NANOS1: variants seen among roughly 807,000 people sequenced by gnomAD.
The protein encoded by NANOS1 is nanos homolog 1.
A neutral mutation model predicts 1.1 loss-of-function variants in NANOS1; 1 was observed. The ratio of observed to expected loss-of-function variants is 0.88; its 90% CI spans 0.31 to 4.20. The LOEUF (loss-of-function observed/expected upper bound fraction) is 4.20, where lower values mean the gene tolerates loss of function less well. NANOS1 is among the 30% of genes most tolerant of loss of function. The probability of loss-of-function intolerance (pLI) is 0.17; values close to 1 mark genes in which losing one functional copy is unlikely to be tolerated. For synonymous variants in NANOS1, 252 were observed against 230.6 expected (o/e 1.09, Z -0.84); for missense variants, 537 against 457.9 (o/e 1.17, Z -1.58).
Position 119,031,899 on chromosome 10 carries a change from C to G in NANOS1, c.*1219C>G, listed in dbSNP as rs1183004680. 6.0e-6 allele frequency: 1 copy of G among 167,072 alleles called. No homozygotes were observed. Among genetic ancestry groups the G allele is most frequent in the Non-Finnish European group, 1.5e-5 (1 of 68,122 alleles). The allele number at this position is 167,072 out of a possible 1,614,324, so 10.3% of individuals were successfully genotyped here. ...AGACCCATGTCGGTTTCCGGAACCC[C>G]ACCAGTTTACCCATAAGCAAGACTA... On this transcript the variant is annotated 3_prime_UTR_variant, in exon 1 of 1. Coordinates refer to ENST00000425699, the MANE Select transcript of NANOS1 (RefSeq NM_199461.4).
Position 119,029,796 on chromosome 10 carries a change from C to G in NANOS1, c.-6C>G. The G allele has an allele frequency of 9.5e-7, 1 of 1,053,250 alleles. No individual in the cohort carries two copies. Among genetic ancestry groups the G allele is most frequent in the Non-Finnish European group, 1.1e-6 (1 of 875,272 alleles). The allele number at this position is 1,053,250 out of a possible 1,614,324, so 65.2% of individuals were successfully genotyped here. ...GGGGAGGCGGCGCGCGGCCCGCAGCCCGCCCATGGAGGCTTTCCCCTGGGC... is the reference window on the plus strand; with the variant it reads ...GGGGAGGCGGCGCGCGGCCCGCAGCGCGCCCATGGAGGCTTTCCCCTGGGC... On this transcript the variant is annotated 5_prime_UTR_variant, in exon 1 of 1. Coordinates refer to ENST00000425699, the MANE Select transcript of NANOS1 (RefSeq NM_199461.4).
rs947682154 is a variant in NANOS1, at chr10:119,031,521, A to G, written c.*841A>G. 2.4e-5 allele frequency: 4 copies of G among 167,166 alleles called. No homozygotes were observed. The South Asian group carries it at 6.2e-4, about 26-fold the overall frequency. 10.4% of individuals were successfully genotyped at this position (167,166 alleles called of 1,614,324 possible). A position where few individuals can be genotyped will look rare whatever the true frequency, so the allele number is the denominator to read the frequency against. On this transcript the variant is annotated 3_prime_UTR_variant, in exon 1 of 1. Transcript: ENST00000425699. ...ATACAGTAACAGTATGAATTCATTA[A>G]TCTCACCTGTAACTTTCCTACTTGG...
rs1443480723 is a variant in NANOS1 at position 119,031,079 on chromosome 10, T to C, written c.*399T>C. On this transcript the variant is annotated 3_prime_UTR_variant, in exon 1 of 1. Transcript: ENST00000425699. ...GAGGCACTTTACTAGGTCTAGAATA[T>C]TTTTTTAAAAGCCTCTGAACTGAGC... 1 of 188,642 alleles carries C rather than the reference T, an allele frequency of 5.3e-6. No homozygotes were observed. Among genetic ancestry groups the C allele is most frequent in the African/African-American group, 2.4e-5 (1 of 42,334 alleles). 11.7% of individuals were successfully genotyped at this position (188,642 alleles called of 1,614,324 possible). A position where few individuals can be genotyped will look rare whatever the true frequency, so the allele number is the denominator to read the frequency against.
Position 119,029,795 on chromosome 10 carries a change from C to A in NANOS1, c.-7C>A. 2 of 1,046,580 alleles carry A rather than the reference C, an allele frequency of 1.9e-6. No homozygotes were observed. Among genetic ancestry groups the A allele is most frequent in the Non-Finnish European group, 2.3e-6 (2 of 870,896 alleles). 64.8% of individuals were successfully genotyped at this position (1,046,580 alleles called of 1,614,324 possible). A position where few individuals can be genotyped will look rare whatever the true frequency, so the allele number is the denominator to read the frequency against. On this transcript the variant is annotated 5_prime_UTR_variant, in exon 1 of 1. Coordinates refer to ENST00000425699, the MANE Select transcript of NANOS1 (RefSeq NM_199461.4). ...CGGGGAGGCGGCGCGCGGCCCGCAG[C>A]CCGCCCATGGAGGCTTTCCCCTGGG...
In NANOS1 at chr10:119,029,864, G is replaced by C. The variant is rs1326568569; in HGVS notation, c.63G>C (p.Ala21=). Residue 21 remains alanine (A), a synonymous_variant, in exon 1 of 1, where the codon GCG becomes GCC. Coordinates refer to ENST00000425699, the MANE Select transcript of NANOS1 (RefSeq NM_199461.4). ...GCGGCCGCGCCCCCCCGCCCATGGC[G>C]CTCGTGCCCAGCGCCCGCTACGTGA... is the stretch of plus-strand genomic sequence containing the variant. The part of the protein sequence containing the change: ...PRRGRAPPPM[A]LVPSARYVSA... 8.0e-7 allele frequency: 1 copy of C among 1,252,486 alleles called. No homozygotes were observed. Among genetic ancestry groups the C allele is most frequent in the African/African-American group, 1.6e-5 (1 of 63,514 alleles). 77.6% of individuals were successfully genotyped at this position (1,252,486 alleles called of 1,614,324 possible).
chr10:119,030,417 C>T lies in NANOS1; in HGVS notation c.616C>T (p.Leu206=). The change falls in exon 1 of 1, where the codon CTG becomes TTG. Residue 206 remains leucine (L), a synonymous_variant. Coordinates refer to ENST00000425699, the MANE Select transcript of NANOS1 (RefSeq NM_199461.4). This position sits in a 1 kb window ranked among gnomAD's most constrained non-coding sequence, Gnocchi z 5.3. The part of the protein sequence containing the change: ...HAASGAAAAR[L]LKPELQVCVF... ...GGCCTCCGGGGCGGCGGCCGCCCGG[C>T]TGCTGAAGCCCGAGCTGCAGGTGTG... 7.2e-7 allele frequency: 1 copy of T among 1,391,048 alleles called. No homozygotes were observed. The highest frequency in any genetic ancestry group is 9.4e-7 in the Non-Finnish European group (1 of 1,066,776). 86.2% of individuals were successfully genotyped at this position (1,391,048 alleles called of 1,614,324 possible).
At position 119,030,598 on chromosome 10, in the gene NANOS1, C is replaced by T. The variant is rs777110142; in HGVS notation, c.797C>T (p.Pro266Leu). 2.0e-6 allele frequency: 3 copies of T among 1,503,842 alleles called. No individual in the cohort carries two copies. The highest frequency in any genetic ancestry group is 2.7e-5 in the East Asian group (1 of 36,702). 93.2% of individuals were successfully genotyped at this position (1,503,842 alleles called of 1,614,324 possible). Residue 266 changes from proline (P) to leucine (L), a missense_variant, in exon 1 of 1, where the codon CCG (proline) becomes CTG (leucine). Transcript: ENST00000425699. The surrounding 1 kb of genome is among the most constrained non-coding windows in gnomAD (Gnocchi z 5.3). ...AACGCGCACACCATCAAGTACTGCC[C>T]GCTCTCCAAAGTGCCGCCGCCGCCC... is the stretch of plus-strand genomic sequence containing the variant. ...GDNAHTIKYC[P>L]LSKVPPPPAR...
At position 119,030,677 on chromosome 10, in the gene NANOS1, C is replaced by G; in HGVS notation, c.876C>G (p.Arg292=). ...ARDGPPGKKL[R] is the part of the protein sequence containing the mutation. Reference sequence around the variant, plus strand: ...ACGGCCCGCCTGGCAAGAAGCTGCGCTGAAGGCCCGGGCTCCCGGCCGCCC... The same window carrying G: ...ACGGCCCGCCTGGCAAGAAGCTGCGGTGAAGGCCCGGGCTCCCGGCCGCCC... The change falls in exon 1 of 1, where the codon CGC becomes CGG. Residue 292 remains arginine, a synonymous_variant. Transcript: ENST00000425699. The surrounding 1 kb of genome is among the most constrained non-coding windows in gnomAD (Gnocchi z 5.3). 1 of 1,315,736 alleles carries G rather than the reference C, an allele frequency of 7.6e-7. No individual in the cohort carries two copies. Among genetic ancestry groups the G allele is most frequent in the Non-Finnish European group, 9.7e-7 (1 of 1,035,054 alleles). 81.5% of individuals were successfully genotyped at this position (1,315,736 alleles called of 1,614,324 possible).
rs1288789325 is a variant in NANOS1, at chr10:119,031,174, C to A, written c.*494C>A. 1 of 167,718 alleles carries A rather than the reference C, an allele frequency of 6.0e-6. No homozygotes were observed. The highest frequency in any genetic ancestry group is 2.4e-5 in the African/African-American group (1 of 41,500). 10.4% of individuals were successfully genotyped at this position (167,718 alleles called of 1,614,324 possible). ...ATTGTTTGAAGCGAGTTAATATTCT[C>A]AGTTGTCTTTAAAAATCAGTTACTC... On this transcript the variant is annotated 3_prime_UTR_variant, in exon 1 of 1. Coordinates refer to ENST00000425699, the MANE Select transcript of NANOS1 (RefSeq NM_199461.4).
At position 119,033,666 on chromosome 10, in the gene NANOS1, C is replaced by A. The variant is rs1174713974; in HGVS notation, c.*2986C>A. On this transcript the variant is annotated 3_prime_UTR_variant, in exon 1 of 1. Transcript: ENST00000425699. ...GCAGAATTATTAGCTTTGATGAGAA[C>A]AACTTTTGTCATAGATTTGATTTAT... The A allele has an allele frequency of 6.0e-6, 1 of 166,404 alleles. No individual in the cohort carries two copies. The highest frequency in any genetic ancestry group is 1.5e-5 in the Non-Finnish European group (1 of 68,096). The allele number at this position is 166,404 out of a possible 1,614,324, so 10.3% of individuals were successfully genotyped here.
Position 119,030,052 on chromosome 10 carries a change from G to A in NANOS1, c.251G>A (p.Cys84Tyr). 2 of 1,349,424 alleles carry A rather than the reference G, an allele frequency of 1.5e-6. No individual in the cohort carries two copies. Among genetic ancestry groups the A allele is most frequent in the Non-Finnish European group, 9.5e-7 (1 of 1,051,596 alleles). The allele number at this position is 1,349,424 out of a possible 1,614,324, so 83.6% of individuals were successfully genotyped here. The change falls in exon 1 of 1, where the codon TGC becomes TAC. Residue 84 changes from cysteine (C) to tyrosine (Y), a missense_variant. By Grantham distance (194) the Cys-to-Tyr change is radical. Transcript: ENST00000425699. This position sits in a 1 kb window ranked among gnomAD's most constrained non-coding sequence, Gnocchi z 5.3. ...GSPPSSSSSS[C>Y]CSPHTGAGPG... ...CCGCCCTCCTCCTCCTCGTCGTCCTGCTGCTCCCCCCACACGGGGGCCGGG... is the reference window on the plus strand; with the variant it reads ...CCGCCCTCCTCCTCCTCGTCGTCCTACTGCTCCCCCCACACGGGGGCCGGG...
In NANOS1 at chr10:119,031,891, C is replaced by T. The variant is rs1589681000; in HGVS notation, c.*1211C>T. ...CTACTGGAAGACCCATGTCGGTTTCCGGAACCCCACCAGTTTACCCATAAG... is the reference window on the plus strand; with the variant it reads ...CTACTGGAAGACCCATGTCGGTTTCTGGAACCCCACCAGTTTACCCATAAG... On this transcript the variant is annotated 3_prime_UTR_variant, in exon 1 of 1. Transcript: ENST00000425699. 6.0e-6 allele frequency: 1 copy of T among 167,198 alleles called. No individual in the cohort carries two copies. The highest frequency in any genetic ancestry group is 1.9e-4 in the East Asian group (1 of 5,188). The allele number at this position is 167,198 out of a possible 1,614,324, so 10.4% of individuals were successfully genotyped here.
chr10:119,030,703 A>AGGGTCGCCGCCGCCCC lies in NANOS1; in HGVS notation c.*24_*39dup. On this transcript the variant is annotated 3_prime_UTR_variant, in exon 1 of 1. Transcript: ENST00000425699. This position sits in a 1 kb window ranked among gnomAD's most constrained non-coding sequence, Gnocchi z 5.3. Reference sequence around the variant, plus strand: ...TGAAGGCCCGGGCTCCCGGCCGCCCAGGGTCGCCGCCGCCCCTCGCACCGC... The same window carrying AGGGTCGCCGCCGCCCC: ...TGAAGGCCCGGGCTCCCGGCCGCCCAGGGTCGCCGCCGCCCCGGGTCGCCGCCGCCCCTCGCACCGC... 1.6e-6 allele frequency: 2 copies of AGGGTCGCCGCCGCCCC among 1,276,258 alleles called. No homozygotes were observed. The highest frequency in any genetic ancestry group is 2.0e-6 in the Non-Finnish European group (2 of 1,012,294). 79.1% of individuals were successfully genotyped at this position (1,276,258 alleles called of 1,614,324 possible). A position where few individuals can be genotyped will look rare whatever the true frequency, so the allele number is the denominator to read the frequency against.
Position 119,031,020 on chromosome 10 carries a change from T to G in NANOS1, c.*340T>G. ...ATTTTAGATGCGCATCAGTATGAAA[T>G]TGTCTCAATCTTGGATGTTTCATTT... On this transcript the variant is annotated 3_prime_UTR_variant, in exon 1 of 1. Transcript: ENST00000425699. 2 of 243,544 alleles carry G rather than the reference T, an allele frequency of 8.2e-6. No homozygotes were observed. The highest frequency in any genetic ancestry group is 5.7e-5 in the Admixed American group (1 of 17,414). 15.1% of individuals were successfully genotyped at this position (243,544 alleles called of 1,614,324 possible).
In NANOS1 at chr10:119,033,386, T is replaced by C. The variant is rs551009384; in HGVS notation, c.*2706T>C. 9.0e-5 allele frequency: 15 copies of C among 167,200 alleles called. No individual in the cohort carries two copies. The highest frequency in any genetic ancestry group is 3.6e-4 in the African/African-American group (15 of 41,570). The allele number at this position is 167,200 out of a possible 1,614,324, so 10.4% of individuals were successfully genotyped here. On this transcript the variant is annotated 3_prime_UTR_variant, in exon 1 of 1. Transcript: ENST00000425699. ...AACTCAATGTGGAACTTTAAACATT[T>C]TGCAAAATTACATTTAGAGAAACCC...
chr10:119,031,302 CTTGT>C lies in NANOS1; in HGVS notation c.*625_*628del, dbSNP rs1848045219. On this transcript the variant is annotated 3_prime_UTR_variant, in exon 1 of 1. Transcript: ENST00000425699. ...TTGGGCGGGTATTCCCCGCTTGTGG[CTTGT>C]TTCTGTCCTAGCTGGAGGTGTAAAA... is the stretch of plus-strand genomic sequence containing the variant. 1 of 167,082 alleles carries C rather than the reference CTTGT, an allele frequency of 6.0e-6. No individual in the cohort carries two copies. The highest frequency in any genetic ancestry group is 1.5e-5 in the Non-Finnish European group (1 of 68,122). The allele number at this position is 167,082 out of a possible 1,614,324, so 10.3% of individuals were successfully genotyped here.
In NANOS1 at chr10:119,032,510, C is replaced by A. The variant is rs1241660448; in HGVS notation, c.*1830C>A. 2 of 167,088 alleles carry A rather than the reference C, an allele frequency of 1.2e-5. No homozygotes were observed. Among genetic ancestry groups the A allele is most frequent in the Admixed American group, 6.5e-5 (1 of 15,286 alleles). 10.4% of individuals were successfully genotyped at this position (167,088 alleles called of 1,614,324 possible). On this transcript the variant is annotated 3_prime_UTR_variant, in exon 1 of 1. Transcript: ENST00000425699. ...AATCTACCAGTTTAAATGAGCTTCA[C>A]CTTCTGGGTGAAGTTTCTAAGGTCA...
At position 119,032,327 on chromosome 10, in the gene NANOS1, A is replaced by T. The variant is rs1848063630; in HGVS notation, c.*1647A>T. The stretch of plus-strand genomic sequence containing the variant: ...GGTGCATTTCAAGAACTTGGGGGGC[A>T]GGAGGAAAGCACAATGTTTCTTAGC... On this transcript the variant is annotated 3_prime_UTR_variant, in exon 1 of 1. Coordinates refer to ENST00000425699, the MANE Select transcript of NANOS1 (RefSeq NM_199461.4). 6.0e-6 allele frequency: 1 copy of T among 166,974 alleles called. No individual in the cohort carries two copies. The highest frequency in any genetic ancestry group is 6.5e-5 in the Admixed American group (1 of 15,296). 10.3% of individuals were successfully genotyped at this position (166,974 alleles called of 1,614,324 possible).
rs945296987 is a variant in NANOS1, at chr10:119,032,810, A to T, written c.*2130A>T. 1 of 167,066 alleles carries T rather than the reference A, an allele frequency of 6.0e-6. No individual in the cohort carries two copies. The highest frequency in any genetic ancestry group is 2.4e-5 in the African/African-American group (1 of 41,438). The allele number at this position is 167,066 out of a possible 1,614,324, so 10.3% of individuals were successfully genotyped here. ...GCTATTTTACCAGAACTAAGAACAT[A>T]TTGAGCTGGAGCTTCTTGAGGGCAG... is the stretch of plus-strand genomic sequence containing the variant. On this transcript the variant is annotated 3_prime_UTR_variant, in exon 1 of 1. Transcript: ENST00000425699.
Sources: gnomAD v4.1 joint callset for allele counts on GRCh38, gnomAD v4.1.1 for gene constraint, Gnocchi (gnomAD v3.1) non-coding constraint, MANE v1.5 for transcripts, NCBI Gene and HGNC (gene_info 2026-07-23, HGNC 2026-07-21) for gene names.